MALRD1: variants seen among roughly 807,000 people sequenced by gnomAD.
MALRD1 encodes MAM and LDL receptor class A domain containing 1.
MALRD1 carries 247 observed loss-of-function variants against 242.1 expected under a neutral mutation model. The observed-to-expected ratio is 1.02, with a 90% CI of 0.92 to 1.13. MALRD1 has a LOEUF of 1.13. Ranked by LOEUF, MALRD1 falls within the 50% of genes most tolerant of loss-of-function variation. The pLI is 0.00. For missense variants in MALRD1, 2,989 were observed against 2,533.1 expected (o/e 1.18, Z -3.86); for synonymous variants, 995 against 866.6 (o/e 1.15, Z -2.60).
chr10:19,361,465 AAG>A (rs933433548), intron 26 of MALRD1, among the ~76,000 whole-genome samples: 1 of 152,166 alleles, frequency 6.6e-6, no homozygotes, highest in African/African-American at 2.4e-5. Flanking sequence ...TTCTGTGAAA[AAG>A]AGAATAATCT....
At chr10:19,722,590 T>TAAAAAAAAAAAAAAAGAAAAAAA (rs1834814868) in intron 38 of MALRD1, 1 of 45,366 alleles carries the variant, frequency 2.2e-5, no homozygotes, top group Non-Finnish European at 3.6e-5. Context: ...ACCATGTCTC[T>TAAAAAAAAAAAAAAAGAAAAAAA]AAAAAAAAAA....
intron 21 of MALRD1, among the ~76,000 whole-genome samples, chr10:19,296,818 A>C (rs1251032453): frequency 6.6e-6 from 1 of 152,094 alleles, no homozygotes; most frequent in East Asian, 1.9e-4. Flanking sequence ...TCTCTTTGAA[A>C]AGACATTTGT....
In MALRD1 at chr10:19,171,881, C is replaced by T. The variant is rs187283469; in HGVS notation, c.1831-3327C>T. On this transcript the variant is annotated intron_variant, in intron 13 of 39. Transcript: ENST00000454679. ...ATATATACATATATACACGTATATA[C>T]GTATATATATGATATATATCACATA... is the stretch of plus-strand genomic sequence containing the variant. Among the ~76,000 whole-genome samples the T allele has an allele frequency of 6.2e-4, 85 of 137,232 alleles. 2 individuals are homozygous for T. Among genetic ancestry groups the T allele is most frequent in the Admixed American group, 1.5e-3 (20 of 13,356 alleles). 90.0% of individuals were successfully genotyped at this position (137,232 alleles called of 152,430 possible).
chr10:19,246,111 G>T (rs1839031798), intron 18 of MALRD1, among the ~76,000 whole-genome samples: 1 of 152,008 alleles, frequency 6.6e-6, no homozygotes, highest in Non-Finnish European at 1.5e-5. Flanking sequence ...CTTTCTAGTT[G>T]GTAGACAACT....
At chr10:19,669,302 G>A (rs1431683850) in intron 36 of MALRD1, among the ~76,000 whole-genome samples, 5 of 152,162 alleles carry the variant, frequency 3.3e-5, no homozygotes, top group African/African-American at 4.8e-5. Flanking sequence ...AATGGACTAT[G>A]AACATAGTAT....
At chr10:19,454,431 T>TATATATACACACATAC (rs1011890675) in intron 29 of MALRD1, among the ~76,000 whole-genome samples, 2 of 136,712 alleles carry the variant, frequency 1.5e-5, no homozygotes, top group African/African-American at 5.4e-5. Flanking sequence ...TATATATATA[T>TATATATACACACATAC]AATTATATGA....
chr10:19,563,156 G>A (rs955674900), intron 32 of MALRD1, among the ~76,000 whole-genome samples: 1 of 152,072 alleles, frequency 6.6e-6, no homozygotes, highest in Non-Finnish European at 1.5e-5. Context: ...TAATTCTGAA[G>A]CTATAGAGGG....
intron 28 of MALRD1, among the ~76,000 whole-genome samples, chr10:19,440,668 T>G (rs1834591661): frequency 1.3e-5 from 2 of 152,180 alleles, no homozygotes. Flanking sequence ...ACAAAGGACA[T>G]GGACTCATCC....
At chr10:19,581,164 T>C (rs1837100974) in intron 33 of MALRD1, among the ~76,000 whole-genome samples, 1 of 151,972 alleles carries the variant, frequency 6.6e-6, no homozygotes, top group African/African-American at 2.4e-5. Flanking sequence ...TAATTGCAGC[T>C]ACTAAATTAT....
intron 34 of MALRD1, among the ~76,000 whole-genome samples, chr10:19,596,049 T>C (rs1253922994): frequency 2.0e-5 from 3 of 152,186 alleles, no homozygotes; most frequent in Non-Finnish European, 4.4e-5. Context: ...AATTTCATTT[T>C]GTCATCCAGG....
chr10:19,652,284 A>G (rs1840934648), intron 36 of MALRD1, among the ~76,000 whole-genome samples: 2 of 152,200 alleles, frequency 1.3e-5, no homozygotes, highest in South Asian at 4.1e-4. Context: ...TGAATATTGA[A>G]CAATAAATAC....
At chr10:19,053,799 A>C (rs1368941854) in intron 1 of MALRD1, among the ~76,000 whole-genome samples, 1 of 16,808 alleles carries the variant, frequency 5.9e-5, no homozygotes, top group African/African-American at 8.0e-4. Flanking sequence ...TCAATATAAT[A>C]AAAAAAAACC....
chr10:19,410,964 CT>C (rs1389397911), intron 28 of MALRD1, among the ~76,000 whole-genome samples: 1 of 152,022 alleles, frequency 6.6e-6, no homozygotes, highest in Non-Finnish European at 1.5e-5. Flanking sequence ...ATTTTATTCA[CT>C]CTTAATTGGG....
At chr10:19,391,524 C>G (rs569389581) in intron 28 of MALRD1, among the ~76,000 whole-genome samples, 70 of 152,282 alleles carry the variant, frequency 4.6e-4, no homozygotes, top group Admixed American at 1.1e-3. Context: ...TTTCTTTACT[C>G]TTCGTCTTTT....
intron 31 of MALRD1, among the ~76,000 whole-genome samples, chr10:19,520,378 G>A (rs1331782630): frequency 1.3e-5 from 2 of 149,980 alleles, no homozygotes; most frequent in Non-Finnish European, 3.0e-5. Context: ...CTCAAAACAA[G>A]TATGTTTTTT....
chr10:19,203,975 A>G (rs1758551891), intron 15 of MALRD1, 95 bp downstream of exon 15: 23 of 1,388,392 alleles, frequency 1.7e-5, no homozygotes, highest in Non-Finnish European at 2.1e-5. Flanking sequence ...TGTGATAACT[A>G]CAACAAACAG....
At chr10:19,152,043 A>T (rs1833963046) in intron 11 of MALRD1, among the ~76,000 whole-genome samples, 1 of 152,134 alleles carries the variant, frequency 6.6e-6, no homozygotes, top group Admixed American at 6.6e-5. Context: ...GTCGAGCCAG[A>T]TGTGAACACT....
chr10:19,280,260 CA>C, intron 20 of MALRD1, 37 bp downstream of exon 20: 1 of 1,402,994 alleles, frequency 7.1e-7, no homozygotes, highest in East Asian at 2.6e-5. Flanking sequence ...AATACTGCTA[CA>C]AAATAGAAAA....
intron 31 of MALRD1, among the ~76,000 whole-genome samples, chr10:19,520,944 G>A (rs548093333): frequency 3.9e-5 from 6 of 152,176 alleles, no homozygotes; most frequent in South Asian, 2.1e-4. Context: ...TGGTATATTT[G>A]TCTACATTTA....
Sources: allele counts gnomAD v4.1 joint callset (sites outside exome capture counted in the v4.1 genomes callset), GRCh38; gene constraint gnomAD v4.1.1; transcripts MANE v1.5; gene names NCBI Gene and HGNC (gene_info 2026-07-23, HGNC 2026-07-21).